Variants in GPD2 observed in about 807,000 individuals in gnomAD.
The protein encoded by GPD2 is glycerol-3-phosphate dehydrogenase, mitochondrial.
A neutral mutation model predicts 82.4 loss-of-function variants in GPD2; 54 were observed. The observed-to-expected ratio is 0.66, with a 90% CI of 0.53 to 0.82. GPD2 has a LOEUF of 0.82. Ranked by LOEUF, GPD2 falls within the 40% of genes least tolerant of loss-of-function variation. The pLI is 0.00. For synonymous variants in GPD2, 288 were observed against 306.1 expected (o/e 0.94, Z 0.62); for missense variants, 748 against 896.2 (o/e 0.83, Z 2.11).
At chr2:156,429,587 T>C in the GPD2 span, among the ~76,000 whole-genome samples, 1 of 152,230 alleles carries the variant, frequency 6.6e-6, no homozygotes, top group African/African-American at 2.4e-5. Flanking sequence ...TTTATATTGA[T>C]GCTTTAGACA....
In GPD2 at chr2:156,568,863, C is replaced by T. The variant is rs761849022; in HGVS notation, c.1204C>T (p.Arg402Cys). The change falls in exon 10 of 17, where the codon CGT (arginine) becomes TGT (cysteine). Residue 402 changes from arginine to cysteine, a missense_variant. Physicochemically the swap from Arg to Cys is radical, Grantham distance 180 (BLOSUM62 -3). Around this residue, in one of 3 missense-constraint regions of GPD2, gnomAD observed 692 missense variants for 809.7 expected, o/e 0.85. Transcript: ENST00000438166. ...GDVLAAWSGI[R>C]PLVTDPKSAD... ...TGTCCTGGCAGCATGGAGTGGAATCCGTCCTCTTGTTACAGACCCCAAATC... is the reference window on the plus strand; with the variant it reads ...TGTCCTGGCAGCATGGAGTGGAATCTGTCCTCTTGTTACAGACCCCAAATC... 2.2e-5 allele frequency: 35 copies of T among 1,612,128 alleles called. No homozygotes were observed. Among genetic ancestry groups the T allele is most frequent in the African/African-American group, 1.6e-4 (12 of 74,810 alleles).
intron 1 of GPD2, among the ~76,000 whole-genome samples, chr2:156,459,716 A>G (rs1459381054): frequency 6.6e-6 from 1 of 151,094 alleles, no homozygotes; most frequent in Non-Finnish European, 1.5e-5. Context: ...AAAAGAAAGA[A>G]AAAGGGAACA....
intron 13 of GPD2, among the ~76,000 whole-genome samples, chr2:156,574,583 C>T (rs1272780916): frequency 6.9e-6 from 1 of 144,486 alleles, no homozygotes; most frequent in African/African-American, 2.5e-5. Context: ...GAGAGTCTCA[C>T]AAAAATACAT....
intron 1 of GPD2, among the ~76,000 whole-genome samples, chr2:156,473,209 A>G (rs1292199872): frequency 6.6e-6 from 1 of 152,214 alleles, no homozygotes; most frequent in African/African-American, 2.4e-5. Context: ...TGGAAAAAGG[A>G]AAACTCTTTA....
At chr2:156,542,345 A>G (rs1019274425) in intron 6 of GPD2, among the ~76,000 whole-genome samples, 2 of 152,180 alleles carry the variant, frequency 1.3e-5, no homozygotes, top group African/African-American at 4.8e-5. Flanking sequence ...GTACCTTTGT[A>G]TTTAATAATA....
At chr2:156,420,587 G>A in the GPD2 span, among the ~76,000 whole-genome samples, 1 of 152,078 alleles carries the variant, frequency 6.6e-6, no homozygotes, top group Non-Finnish European at 1.5e-5. Flanking sequence ...CAGTTTAAAA[G>A]GTTGGTCAAT....
At chr2:156,471,389 T>C (rs954782396) in intron 1 of GPD2, among the ~76,000 whole-genome samples, 1 of 152,228 alleles carries the variant, frequency 6.6e-6, no homozygotes, top group Non-Finnish European at 1.5e-5. Context: ...CAAAACATCT[T>C]ACTTCCTTAA....
At chr2:156,496,669 CTATATTTTATGAG>C (rs151204272) in intron 3 of GPD2, among the ~76,000 whole-genome samples, 48,769 of 151,512 alleles carry the variant, frequency 0.32, 9,240 homozygotes, top group Middle Eastern at 0.44. Context: ...AAAAAGAAAA[CTATATTTTATGAG>C]TTTATATTTT....
intron 8 of GPD2, among the ~76,000 whole-genome samples, chr2:156,554,716 A>G (rs1686895860): frequency 6.6e-6 from 1 of 152,228 alleles, no homozygotes; most frequent in Non-Finnish European, 1.5e-5. Flanking sequence ...TAATACACCA[A>G]ACGACTGAAA....
intron 13 of GPD2, among the ~76,000 whole-genome samples, chr2:156,572,899 G>A (rs1177501023): frequency 6.6e-6 from 1 of 152,066 alleles, no homozygotes; most frequent in Non-Finnish European, 1.5e-5. Flanking sequence ...CTGGAGGCTG[G>A]GAAGTCCAAG....
At chr2:156,535,184 A>G (rs374935273) in intron 6 of GPD2, among the ~76,000 whole-genome samples, 11 of 152,140 alleles carry the variant, frequency 7.2e-5, no homozygotes, top group African/African-American at 2.7e-4. Context: ...TGCAAACAGC[A>G]TTTGATACAG....
At chr2:156,465,129 G>A (rs987027608) in intron 1 of GPD2, among the ~76,000 whole-genome samples, 3 of 152,174 alleles carry the variant, frequency 2.0e-5, no homozygotes, top group African/African-American at 4.8e-5. Context: ...GGGATTACAG[G>A]CATGAGCCAC....
At chr2:156,537,406 G>C (rs1028288243) in intron 6 of GPD2, among the ~76,000 whole-genome samples, 8 of 152,142 alleles carry the variant, frequency 5.3e-5, no homozygotes, top group Non-Finnish European at 1.0e-4. Context: ...GGGAGTCTGG[G>C]CAAGAAACTC....
chr2:156,459,276 A>G (rs1682897657), intron 1 of GPD2, among the ~76,000 whole-genome samples: 3 of 152,166 alleles, frequency 2.0e-5, no homozygotes, highest in Admixed American at 2.0e-4. Flanking sequence ...GGGGATGTTG[A>G]TGGCAGTCAT....
At chr2:156,451,249 G>A (rs1008315988) in intron 1 of GPD2, among the ~76,000 whole-genome samples, 5 of 151,652 alleles carry the variant, frequency 3.3e-5, no homozygotes, top group Non-Finnish European at 7.4e-5. Context: ...GCCGGGCAGA[G>A]GCGCCCCTCA....
At chr2:156,563,884 C>T (rs551781887) in intron 9 of GPD2, among the ~76,000 whole-genome samples, 38 of 152,238 alleles carry the variant, frequency 2.5e-4, no homozygotes, top group Non-Finnish European at 4.4e-4. Flanking sequence ...TTACAATTAA[C>T]TGAAATTTGA....
chr2:156,510,767 G>T, intron 3 of GPD2, 29 bp from the exon 4 acceptor site: 1 of 1,591,262 alleles, frequency 6.3e-7, no homozygotes, highest in Non-Finnish European at 8.6e-7. Context: ...TGTAATTTAA[G>T]AAGTTAATTT....
At chr2:156,550,547 A>T in intron 7 of GPD2, 55 bp from the exon 8 acceptor site, 1 of 1,566,422 alleles carries the variant, frequency 6.4e-7, no homozygotes, top group South Asian at 1.1e-5. Context: ...AATACACAGC[A>T]TCCGTTAACA....
chr2:156,430,194 A>G, the GPD2 span, among the ~76,000 whole-genome samples: 1 of 152,202 alleles, frequency 6.6e-6, no homozygotes, highest in African/African-American at 2.4e-5. Context: ...GACATTGGTA[A>G]TAGTTCTATT....
Sources: gnomAD v4.1 joint callset for allele counts (sites outside exome capture counted in the v4.1 genomes callset) on GRCh38, gnomAD v4.1.1 for gene constraint, gnomAD v4.1.1 regional missense constraint, MANE v1.5 for transcripts, NCBI Gene and HGNC (gene_info 2026-07-23, HGNC 2026-07-21) for gene names.